GPAT3: variants seen among roughly 807,000 people sequenced by gnomAD.
GPAT3 encodes the protein glycerol-3-phosphate acyltransferase 3.
Under a neutral mutation model 58.8 loss-of-function variants are expected in GPAT3, and 53 were observed. The observed-to-expected ratio is 0.90, with a 90% CI of 0.72 to 1.13. The LOEUF is 1.13. Among genes scored for constraint, GPAT3 ranks in the 50% most tolerant of loss-of-function variants. GPAT3 has a pLI of 0.00. For synonymous variants in GPAT3, 197 were observed against 187.4 expected, an observed-to-expected ratio of 1.05 and a Z score of -0.42; for missense variants, 511 against 527.6, an observed-to-expected ratio of 0.97 and a Z score of 0.31.
chr4:83,546,276 C>T (rs1724505636), intron 2 of GPAT3, among the ~76,000 whole-genome samples: 1 of 152,070 alleles, frequency 6.6e-6, no homozygotes, highest in African/African-American at 2.4e-5. Flanking sequence ...TCAGCCATTG[C>T]ACCCGGCCCA....
intron 2 of GPAT3, among the ~76,000 whole-genome samples, chr4:83,567,859 A>G (rs1467828620): frequency 6.6e-6 from 1 of 152,018 alleles, no homozygotes; most frequent in Non-Finnish European, 1.5e-5. Flanking sequence ...TGCCTGCAAC[A>G]TTATTTCATC....
chr4:83,592,733 C>T (rs1474032453), intron 6 of GPAT3, among the ~76,000 whole-genome samples: 2 of 152,182 alleles, frequency 1.3e-5, no homozygotes, highest in Non-Finnish European at 2.9e-5. Context: ...CCTTTATCCA[C>T]ATTTACCTGT....
At chr4:83,561,870 A>G (rs1725139203) in intron 2 of GPAT3, among the ~76,000 whole-genome samples, 2 of 150,746 alleles carry the variant, frequency 1.3e-5, no homozygotes. Flanking sequence ...TAGGACAAGC[A>G]TCTATCATGT....
intron 2 of GPAT3, among the ~76,000 whole-genome samples, chr4:83,565,839 A>G (rs773334599): frequency 5.9e-5 from 9 of 152,244 alleles, no homozygotes; most frequent in Non-Finnish European, 1.3e-4. Flanking sequence ...TTGGTTTACA[A>G]GCGCTTTGTT....
At chr4:83,572,920 G>A (rs1011596242) in intron 2 of GPAT3, among the ~76,000 whole-genome samples, 1 of 152,176 alleles carries the variant, frequency 6.6e-6, no homozygotes, top group African/African-American at 2.4e-5. Context: ...TAGCCTTGCA[G>A]TGTTACAGCT....
intron 4 of GPAT3, 124 bp downstream of exon 4, chr4:83,587,453 GTCTCGTACTGTCACCTGGGCTGGAGTGCA>G: frequency 2.3e-6 from 2 of 888,436 alleles, no homozygotes; most frequent in Non-Finnish European, 3.4e-6. Flanking sequence ...TTGAGACGGA[GTCTCGTACTGTCACCTGGGCTGGAGTGCA>G]ATGGTGTGAT....
chr4:83,591,499 G>A (rs777080897), intron 6 of GPAT3, among the ~76,000 whole-genome samples: 4 of 152,110 alleles, frequency 2.6e-5, no homozygotes, highest in Non-Finnish European at 5.9e-5. Flanking sequence ...CTTTTCTTAG[G>A]TTAGGAATTA....
chr4:83,541,412 T>TTC (rs1724299951), intron 1 of GPAT3, among the ~76,000 whole-genome samples: 1 of 149,962 alleles, frequency 6.7e-6, no homozygotes, highest in Non-Finnish European at 1.5e-5. Flanking sequence ...TTTTTTTTTT[T>TTC]TGTAGAGACA....
rs1726756857 is a variant in GPAT3 at position 83,594,896 on chromosome 4, A to G, written c.790A>G (p.Lys264Glu). The G allele has an allele frequency of 6.2e-7, 1 of 1,613,894 alleles. No individual in the cohort carries two copies. Among genetic ancestry groups the G allele is most frequent in the African/African-American group, 1.3e-5 (1 of 74,910 alleles). ...GGGAATTATTCAGAGAGCTATGGTC[A>G]AGGCTTGTCCTCATGTCTGGTTTGA... Reference protein sequence around the residue: ...LMGIIQRAMVKACPHVWFERS... With the variant: ...LMGIIQRAMVEACPHVWFERS... The change falls in exon 7 of 12, where the codon AAG becomes GAG. Residue 264 changes from lysine to glutamate, a missense_variant. Physicochemically the swap from Lys to Glu is moderately conservative, Grantham distance 56. Coordinates refer to ENST00000264409, the MANE Select transcript of GPAT3 (RefSeq NM_032717.5).
chr4:83,581,897 T>G, intron 3 of GPAT3, 65 bp downstream of exon 3: 1 of 1,543,220 alleles, frequency 6.5e-7, no homozygotes, highest in African/African-American at 1.4e-5. Context: ...ATCATGTACA[T>G]AATGGCCACG....
chr4:83,549,708 A>C (rs1002350664), intron 2 of GPAT3, among the ~76,000 whole-genome samples: 1 of 125,874 alleles, frequency 7.9e-6, no homozygotes, highest in Non-Finnish European at 1.7e-5. Context: ...ATTTTTGTAT[A>C]TATTTATTAT....
At chr4:83,545,847 T>G (rs759811041) in intron 2 of GPAT3, among the ~76,000 whole-genome samples, 8 of 152,212 alleles carry the variant, frequency 5.3e-5, no homozygotes, top group Non-Finnish European at 1.2e-4. Context: ...TGGTTTTCTG[T>G]TGTGCTTGGT....
At chr4:83,578,950 T>TCTTTCTTTC (rs368163335) in intron 2 of GPAT3, among the ~76,000 whole-genome samples, 1 of 100,236 alleles carries the variant, frequency 1.0e-5, no homozygotes, top group East Asian at 2.8e-4. Flanking sequence ...TTCTTTTCTT[T>TCTTTCTTTC]TCTTTCTTTC....
At chr4:83,566,138 G>A (rs1342510845) in intron 2 of GPAT3, among the ~76,000 whole-genome samples, 1 of 152,168 alleles carries the variant, frequency 6.6e-6, no homozygotes. Context: ...GGCCACCCAT[G>A]GCTCCCCATG....
intron 2 of GPAT3, among the ~76,000 whole-genome samples, chr4:83,556,087 A>G (rs1353914769): frequency 6.6e-6 from 1 of 152,256 alleles, no homozygotes; most frequent in African/African-American, 2.4e-5. Flanking sequence ...CAAAGATACC[A>G]TACATAAATG....
chr4:83,588,066 C>G (rs896109691), intron 4 of GPAT3, 144 bp from the exon 5 acceptor site: 3 of 633,050 alleles, frequency 4.7e-6, no homozygotes, highest in African/African-American at 3.7e-5. Flanking sequence ...TAACAATTGA[C>G]TATAAGACTA....
At chr4:83,535,752 G>A (rs2110064964), upstream of GPAT3, 1 of 985,410 alleles carries the variant, frequency 1.0e-6, no homozygotes, top group Non-Finnish European at 1.2e-6. Context: ...AGGAGGTGTG[G>A]AAGCCAGAAG....
At chr4:83,536,960 G>A (rs537921910) in intron 1 of GPAT3, among the ~76,000 whole-genome samples, 197 bp downstream of exon 1, 1 of 152,316 alleles carries the variant, frequency 6.6e-6, no homozygotes, top group East Asian at 1.9e-4. Context: ...AGGGATCTAG[G>A]CTGGAACCAC....
At chr4:83,543,205 TG>T (rs1724373456) in intron 1 of GPAT3, among the ~76,000 whole-genome samples, 1 of 151,716 alleles carries the variant, frequency 6.6e-6, no homozygotes, top group African/African-American at 2.4e-5. Context: ...GAGGCTGAGG[TG>T]GGAGGATTGC....
Sources: allele counts gnomAD v4.1 joint callset (sites outside exome capture counted in the v4.1 genomes callset), GRCh38; gene constraint gnomAD v4.1.1; transcripts MANE v1.5; gene names NCBI Gene and HGNC (gene_info 2026-07-23, HGNC 2026-07-21).